SYN3: variants seen among roughly 807,000 people sequenced by gnomAD.
The protein encoded by SYN3 is synapsin III, also known as synapsin-3.
A neutral mutation model predicts 65.8 loss-of-function variants in SYN3; 35 were observed. The observed-to-expected ratio is 0.53, with a 90% CI of 0.41 to 0.70. SYN3 has a LOEUF of 0.70. Among genes scored for constraint, SYN3 ranks in the 30% least tolerant of loss-of-function variants. The probability of loss-of-function intolerance (pLI) is 0.00; values close to 1 mark genes in which losing one functional copy is unlikely to be tolerated. For missense variants in SYN3, 680 were observed against 749.0 expected, an observed-to-expected ratio of 0.91 and a Z score of 1.08; for synonymous variants, 270 against 292.9, an observed-to-expected ratio of 0.92 and a Z score of 0.80.
At chr22:32,802,037 C>T in intron 6 of SYN3, 1 of 1,576,216 alleles carries the variant, frequency 6.3e-7, no homozygotes, top group South Asian at 1.2e-5. Flanking sequence ...TGCTCCTGGG[C>T]AGCTGGAGCC....
chr22:32,779,090 T>A (rs1321591960), intron 6 of SYN3, among the ~76,000 whole-genome samples: 1 of 152,190 alleles, frequency 6.6e-6, no homozygotes, highest in Non-Finnish European at 1.5e-5. Context: ...TAAAATGTAA[T>A]GTAAATCCAA....
chr22:32,857,654 G>A (rs945028620), intron 6 of SYN3, among the ~76,000 whole-genome samples: 14 of 152,082 alleles, frequency 9.2e-5, no homozygotes, highest in African/African-American at 3.4e-4. Context: ...CCTCACACTC[G>A]ACCTGTTAGG....
chr22:32,990,323 T>TCCATCCAA, intron 2 of SYN3, among the ~76,000 whole-genome samples: 1 of 150,616 alleles, frequency 6.6e-6, no homozygotes, highest in African/African-American at 2.5e-5. Context: ...CATCCATCCA[T>TCCATCCAA]CCATCCATCC....
rs984146205 is a variant in SYN3, at chr22:32,509,683, C to T, written c.*4009G>A. Among the ~76,000 whole-genome samples the T allele has an allele frequency of 2.6e-5, 4 of 152,066 alleles. No individual in the cohort carries two copies. The highest frequency in any genetic ancestry group is 6.6e-5 in the Admixed American group (1 of 15,264). On this transcript the variant is annotated 3_prime_UTR_variant, in exon 14 of 14. Coordinates refer to ENST00000358763, the MANE Select transcript of SYN3 (RefSeq NM_003490.4). ...TCCCGGGTTCACGCCATTCTCCTGC[C>T]TCAGCCTCCCTAGTAGCTGGGACTA...
At chr22:32,684,146 T>C (rs2060559899) in intron 6 of SYN3, among the ~76,000 whole-genome samples, 1 of 152,134 alleles carries the variant, frequency 6.6e-6, no homozygotes, top group South Asian at 2.1e-4. Flanking sequence ...ATTGATCCAG[T>C]GGGGGAACAT....
At chr22:32,932,231 AC>A (rs2050651711) in intron 3 of SYN3, among the ~76,000 whole-genome samples, 1 of 114,412 alleles carries the variant, frequency 8.7e-6, no homozygotes, top group African/African-American at 3.3e-5. Context: ...TAACGGACCC[AC>A]CCCCCACCCT....
rs113193010 is a variant in SYN3, at chr22:32,626,807, C to T, written c.712-30071G>A. The stretch of plus-strand genomic sequence containing the variant: ...ACCAATCCTAGGGTGACAAAGCTGT[C>T]GTTTTATCTTCCACAGCGTCTATCA... On this transcript the variant is annotated intron_variant, in intron 6 of 13. Coordinates refer to ENST00000358763, the MANE Select transcript of SYN3 (RefSeq NM_003490.4). Among the ~76,000 whole-genome samples, 603 of 152,254 alleles carry T rather than the reference C, an allele frequency of 4.0e-3. 4 individuals carry two copies. The highest frequency in any genetic ancestry group is 0.016 in the South Asian group (79 of 4,814).
intron 6 of SYN3, among the ~76,000 whole-genome samples, chr22:32,654,601 C>A (rs1293293896): frequency 1.3e-5 from 2 of 152,220 alleles, no homozygotes; most frequent in Non-Finnish European, 2.9e-5. Flanking sequence ...ACACCGAGAT[C>A]TCATTCATGT....
At chr22:32,780,948 TC>T (rs1469011866) in intron 6 of SYN3, among the ~76,000 whole-genome samples, 30 of 69,654 alleles carry the variant, frequency 4.3e-4, no homozygotes, top group East Asian at 8.4e-4. Context: ...CTTCCTTCCT[TC>T]CTTCCTTCCT....
chr22:32,839,702 T>C (rs1239167023), intron 6 of SYN3, among the ~76,000 whole-genome samples: 3 of 152,176 alleles, frequency 2.0e-5, no homozygotes, highest in Non-Finnish European at 4.4e-5. Flanking sequence ...GGCATATACC[T>C]AGAAGGAGCG....
chr22:32,620,318 T>A (rs1159097769), intron 6 of SYN3, among the ~76,000 whole-genome samples: 4 of 151,614 alleles, frequency 2.6e-5, no homozygotes, highest in Admixed American at 2.6e-4. Context: ...CTCCAAAAAC[T>A]TTTTTTTTAA....
At chr22:32,909,398 G>A (rs574086112) in intron 4 of SYN3, among the ~76,000 whole-genome samples, 175 of 152,122 alleles carry the variant, frequency 1.2e-3, no homozygotes, top group Non-Finnish European at 2.2e-3. Flanking sequence ...TTACTTCAGG[G>A]ACAGGATCTA....
intron 6 of SYN3, among the ~76,000 whole-genome samples, chr22:32,733,641 G>A (rs1307335438): frequency 6.6e-6 from 1 of 152,204 alleles, no homozygotes; most frequent in Non-Finnish European, 1.5e-5. Flanking sequence ...CTGTGTTCCA[G>A]TGTCTGGCAG....
At chr22:32,525,235 A>C (rs1348289749) in intron 12 of SYN3, among the ~76,000 whole-genome samples, 1 of 152,234 alleles carries the variant, frequency 6.6e-6, no homozygotes. Context: ...TCAAAACTTC[A>C]GTGGAGGAAG....
At chr22:32,957,506 A>G (rs991523725) in intron 3 of SYN3, among the ~76,000 whole-genome samples, 1 of 152,184 alleles carries the variant, frequency 6.6e-6, no homozygotes, top group African/African-American at 2.4e-5. Context: ...GCGCCTATTT[A>G]AAATAATGCA....
chr22:32,704,823 T>G (rs2060858537), intron 6 of SYN3, among the ~76,000 whole-genome samples: 1 of 141,154 alleles, frequency 7.1e-6, no homozygotes, highest in African/African-American at 3.2e-5. Flanking sequence ...GATGTTGAGC[T>G]TTTTTTACAT....
At chr22:32,675,429 G>T (rs2060426344) in intron 6 of SYN3, among the ~76,000 whole-genome samples, 1 of 152,172 alleles carries the variant, frequency 6.6e-6, no homozygotes, top group Non-Finnish European at 1.5e-5. Context: ...GCAACCTAGG[G>T]CTATTGTTCA....
intron 6 of SYN3, among the ~76,000 whole-genome samples, chr22:32,831,564 T>C (rs1450565408): frequency 6.6e-6 from 1 of 152,222 alleles, no homozygotes. Flanking sequence ...GAAGCATTTT[T>C]ATTACCAAGG....
chr22:32,770,768 C>T (rs2045746362), intron 6 of SYN3, among the ~76,000 whole-genome samples: 1 of 150,972 alleles, frequency 6.6e-6, no homozygotes, highest in African/African-American at 2.5e-5. Flanking sequence ...TGTAAGGTAA[C>T]TATAGCAAGA....
Sources: allele counts gnomAD v4.1 joint callset (sites outside exome capture counted in the v4.1 genomes callset), GRCh38; gene constraint gnomAD v4.1.1; transcripts MANE v1.5; gene names NCBI Gene and HGNC (gene_info 2026-07-23, HGNC 2026-07-21).